SNX9: variants seen among roughly 807,000 people sequenced by gnomAD.
SNX9 encodes sorting nexin-9.
SNX9 carries 44 observed loss-of-function variants against 89.4 expected under a neutral mutation model. The ratio of observed to expected loss-of-function variants is 0.49; its 90% confidence interval spans 0.39 to 0.63. SNX9 has a LOEUF of 0.63. Among genes scored for constraint, SNX9 ranks in the 30% least tolerant of loss-of-function variants. The probability of loss-of-function intolerance (pLI) is 0.00; values close to 1 mark genes in which losing one functional copy is unlikely to be tolerated. For missense variants in SNX9, 578 were observed against 736.1 expected (o/e 0.79, Z 2.49); for synonymous variants, 236 against 247.8 (o/e 0.95, Z 0.45).
chr6:157,868,690 A>G (rs1224635031), intron 2 of SNX9, among the ~76,000 whole-genome samples: 1 of 152,274 alleles, frequency 6.6e-6, no homozygotes, highest in East Asian at 1.9e-4. Flanking sequence ...TAAAATATGT[A>G]GCAAAATTAT....
At chr6:157,875,948 C>T (rs1312807650) in intron 4 of SNX9, among the ~76,000 whole-genome samples, 1 of 150,896 alleles carries the variant, frequency 6.6e-6, no homozygotes, top group Non-Finnish European at 1.5e-5. Context: ...CGAGACAAGC[C>T]TGGGCAACAC....
At chr6:157,850,260 A>C (rs1423032826) in intron 1 of SNX9, among the ~76,000 whole-genome samples, 3 of 152,314 alleles carry the variant, frequency 2.0e-5, no homozygotes, top group Admixed American at 2.0e-4. Flanking sequence ...CAGTGGTGTC[A>C]GTGTGGGCAA....
At chr6:157,841,023 A>G (rs1781693139) in intron 1 of SNX9, among the ~76,000 whole-genome samples, 1 of 152,166 alleles carries the variant, frequency 6.6e-6, no homozygotes, top group Non-Finnish European at 1.5e-5. Context: ...GATGAGGGTC[A>G]CTGTTTGCAG....
chr6:157,928,423 G>T (rs1417328179), intron 11 of SNX9, among the ~76,000 whole-genome samples, 176 bp from the exon 12 acceptor site: 1 of 152,198 alleles, frequency 6.6e-6, no homozygotes, highest in Non-Finnish European at 1.5e-5. Flanking sequence ...ATAAATCAGC[G>T]CTTTTTAAGT....
intron 4 of SNX9, among the ~76,000 whole-genome samples, chr6:157,885,624 C>T (rs1008031052): frequency 3.3e-5 from 5 of 152,152 alleles, no homozygotes; most frequent in East Asian, 1.9e-4. Context: ...TAAGATGGGC[C>T]GTGGCATGAT....
At chr6:157,883,919 C>G (rs1782679623) in intron 4 of SNX9, among the ~76,000 whole-genome samples, 1 of 152,054 alleles carries the variant, frequency 6.6e-6, no homozygotes, top group Non-Finnish European at 1.5e-5. Flanking sequence ...TTTTTCTATT[C>G]CCAGTGACCT....
At chr6:157,851,780 G>A (rs935202127) in intron 1 of SNX9, among the ~76,000 whole-genome samples, 5 of 151,986 alleles carry the variant, frequency 3.3e-5, no homozygotes, top group Admixed American at 2.6e-4. Context: ...TAGTAGAGAC[G>A]GGTTCACCAT....
At chr6:157,937,078 A>G (rs1476797237) in intron 14 of SNX9, among the ~76,000 whole-genome samples, 1 of 152,202 alleles carries the variant, frequency 6.6e-6, no homozygotes, top group Non-Finnish European at 1.5e-5. Context: ...TAATATTTTT[A>G]TATTCTCTGC....
At chr6:157,826,773 T>C (rs1405484952) in intron 1 of SNX9, among the ~76,000 whole-genome samples, 1 of 112,432 alleles carries the variant, frequency 8.9e-6, no homozygotes, top group African/African-American at 4.1e-5. Flanking sequence ...ATATGATATA[T>C]AAATATATTA....
chr6:157,906,191 C>T lies in SNX9; in HGVS notation c.684C>T (p.Pro228=), dbSNP rs1477093658. The change falls in exon 7 of 18, where the codon CCC becomes CCT. Residue 228 remains proline, a synonymous_variant. Transcript: ENST00000392185. ...QYLLAKQLAK[P]KEKIPIIVGD... is the part of the protein sequence containing the mutation. ...TGTTGGCCAAACAACTAGCAAAACC[C>T]AAAGAGAAAATTCCCATCATTGTAA... 1 of 1,597,498 alleles carries T rather than the reference C, an allele frequency of 6.3e-7. No individual in the cohort carries two copies. Among genetic ancestry groups the T allele is most frequent in the South Asian group, 1.1e-5 (1 of 87,100 alleles).
chr6:157,879,252 G>T (rs144044634), intron 4 of SNX9, among the ~76,000 whole-genome samples: 1 of 152,246 alleles, frequency 6.6e-6, no homozygotes, highest in East Asian at 1.9e-4. Flanking sequence ...GAATGTAAAT[G>T]TCTGTCAGCA....
intron 4 of SNX9, among the ~76,000 whole-genome samples, chr6:157,876,118 T>C (rs572486011): frequency 5.9e-5 from 9 of 152,172 alleles, no homozygotes; most frequent in African/African-American, 2.2e-4. Context: ...TCAGGCCTGA[T>C]GATAATCATA....
intron 1 of SNX9, among the ~76,000 whole-genome samples, chr6:157,866,360 G>A (rs1287298634): frequency 6.6e-6 from 1 of 152,180 alleles, no homozygotes; most frequent in African/African-American, 2.4e-5. Context: ...GATCTCTTGA[G>A]CCCAGGAGTT....
chr6:157,877,510 C>T (rs1403036729), intron 4 of SNX9, among the ~76,000 whole-genome samples: 2 of 152,182 alleles, frequency 1.3e-5, no homozygotes, highest in African/African-American at 4.8e-5. Context: ...TTTGTAAATA[C>T]CATGAAAGAT....
chr6:157,938,123 T>C (rs949488039), intron 15 of SNX9, among the ~76,000 whole-genome samples: 4 of 152,248 alleles, frequency 2.6e-5, no homozygotes, highest in Admixed American at 1.3e-4. Flanking sequence ...GCAGCTTTTC[T>C]AGCCGCTTCC....
At chr6:157,831,786 G>T (rs1049168698) in intron 1 of SNX9, among the ~76,000 whole-genome samples, 1 of 152,186 alleles carries the variant, frequency 6.6e-6, no homozygotes, top group South Asian at 2.1e-4. Flanking sequence ...ATTTTATTCA[G>T]CACTTCAGTT....
intron 4 of SNX9, among the ~76,000 whole-genome samples, chr6:157,895,429 A>C (rs1481007066): frequency 6.6e-6 from 1 of 152,220 alleles, no homozygotes; most frequent in Non-Finnish European, 1.5e-5. Flanking sequence ...CTTAGTTGAT[A>C]AAGCAGTGTC....
intron 4 of SNX9, among the ~76,000 whole-genome samples, chr6:157,875,380 A>G (rs1314967076): frequency 2.0e-5 from 3 of 150,358 alleles, no homozygotes; most frequent in Non-Finnish European, 4.4e-5. Context: ...AAAATTTATT[A>G]TAAGAGAAAA....
Position 157,842,571 on chromosome 6 carries a change from T to C in SNX9, c.12+19125T>C, listed in dbSNP as rs139629611. The stretch of plus-strand genomic sequence containing the variant: ...GGGATTGGAGTTTTTAAAGATAATT[T>C]GGTGTTTTTAAAGATAATTTGGTGG... On this transcript the variant is annotated intron_variant, in intron 1 of 17. Coordinates refer to ENST00000392185, the MANE Select transcript of SNX9 (RefSeq NM_016224.5). Among the ~76,000 whole-genome samples the C allele has an allele frequency of 3.3e-3, 497 of 152,284 alleles. 2 individuals carry two copies. Among genetic ancestry groups the C allele is most frequent in the Non-Finnish European group, 5.4e-3 (365 of 68,024 alleles).
Sources: gnomAD v4.1 joint callset for allele counts (sites outside exome capture counted in the v4.1 genomes callset) on GRCh38, gnomAD v4.1.1 for gene constraint, MANE v1.5 for transcripts, NCBI Gene and HGNC (gene_info 2026-07-23, HGNC 2026-07-21) for gene names.